EIF4G3: variants seen among roughly 807,000 people sequenced by gnomAD.
EIF4G3 encodes eukaryotic translation initiation factor 4 gamma 3, also known as eIF-4-gamma 3.
A neutral mutation model predicts 186.4 loss-of-function variants in EIF4G3; 34 were observed. The observed-to-expected ratio is 0.18, with a 90% CI of 0.14 to 0.24. The LOEUF is 0.24. Among genes scored for constraint, EIF4G3 ranks in the 10% least tolerant of loss-of-function variants. The pLI, the probability that EIF4G3 is intolerant of heterozygous loss-of-function variation, is 1.00. For missense variants in EIF4G3, 1,536 were observed against 1,948.5 expected (o/e 0.79, Z 3.99); for synonymous variants, 673 against 679.5 (o/e 0.99, Z 0.15).
chr1:21,017,703 A>G (rs1369765855), intron 4 of EIF4G3, among the ~76,000 whole-genome samples: 2 of 150,050 alleles, frequency 1.3e-5, no homozygotes, highest in Non-Finnish European at 3.0e-5. Context: ...TAAATTTGTG[A>G]GAGTTGGCAT....
chr1:21,113,754 A>C (rs2096768788), intron 2 of EIF4G3, among the ~76,000 whole-genome samples: 1 of 152,082 alleles, frequency 6.6e-6, no homozygotes, highest in Non-Finnish European at 1.5e-5. Flanking sequence ...GTGGCTCATG[A>C]CTTGTAATCC....
rs140582469 is a variant in EIF4G3, at chr1:21,165,352, C to T, written c.-272+10823G>A. Among the ~76,000 whole-genome samples, 257 of 152,236 alleles carry T rather than the reference C, an allele frequency of 1.7e-3. 1 individual carries two copies. The highest frequency in any genetic ancestry group is 5.8e-3 in the African/African-American group (239 of 41,534). On this transcript the variant is annotated intron_variant, in intron 2 of 36. Coordinates refer to ENST00000602326, the MANE Select transcript of EIF4G3 (RefSeq NM_001391906.1). ...CAAGGTATATACTCAAGAGAAATTA[C>T]AACATAACATCTATATAAAAACATC...
At chr1:20,995,525 C>A (rs2082102999) in intron 7 of EIF4G3, among the ~76,000 whole-genome samples, 1 of 152,092 alleles carries the variant, frequency 6.6e-6, no homozygotes, top group Non-Finnish European at 1.5e-5. Flanking sequence ...GTGCCCACCA[C>A]CACGCCCGGC....
At chr1:20,958,380 C>T (rs540326462) in intron 12 of EIF4G3, among the ~76,000 whole-genome samples, 1 of 151,802 alleles carries the variant, frequency 6.6e-6, no homozygotes, top group Admixed American at 6.6e-5. Flanking sequence ...ACCAAGTAGG[C>T]AAAAAAGGGA....
intron 20 of EIF4G3, among the ~76,000 whole-genome samples, chr1:20,873,225 T>G (rs2079720445): frequency 6.6e-6 from 1 of 152,226 alleles, no homozygotes; most frequent in Non-Finnish European, 1.5e-5. Flanking sequence ...GTACTTCAGA[T>G]TCACTGTCCT....
At chr1:21,016,985 G>A (rs1441636509) in intron 4 of EIF4G3, among the ~76,000 whole-genome samples, 3 of 151,692 alleles carry the variant, frequency 2.0e-5, no homozygotes, top group Admixed American at 6.6e-5. Flanking sequence ...AAAACAAAAC[G>A]AAACAAAACA....
At chr1:21,168,288 C>T (rs1032975347) in intron 2 of EIF4G3, among the ~76,000 whole-genome samples, 5 of 151,984 alleles carry the variant, frequency 3.3e-5, no homozygotes, top group African/African-American at 1.2e-4. Flanking sequence ...ACCTGTAATC[C>T]CAGCTACTCA....
intron 13 of EIF4G3, among the ~76,000 whole-genome samples, chr1:20,948,611 C>T (rs979643986): frequency 4.6e-5 from 7 of 152,120 alleles, no homozygotes; most frequent in African/African-American, 7.2e-5. Context: ...AGAAGTACAT[C>T]TTTCAGAAAG....
intron 7 of EIF4G3, among the ~76,000 whole-genome samples, chr1:20,985,468 C>T (rs935476053): frequency 1.3e-5 from 2 of 150,788 alleles, no homozygotes; most frequent in Non-Finnish European, 2.9e-5. Flanking sequence ...TACACACACA[C>T]ACGTGCACCA....
intron 15 of EIF4G3, among the ~76,000 whole-genome samples, chr1:20,902,396 T>C (rs1471288018): frequency 6.6e-6 from 1 of 152,136 alleles, no homozygotes; most frequent in Middle Eastern, 3.2e-3. Flanking sequence ...TCTTTAATAA[T>C]GCAACAACCT....
chr1:21,115,779 C>T (rs925134549), intron 2 of EIF4G3, among the ~76,000 whole-genome samples: 5 of 152,130 alleles, frequency 3.3e-5, no homozygotes, highest in African/African-American at 1.2e-4. Context: ...TGCAATGGCA[C>T]GATCACAGCT....
chr1:20,911,743 A>C (rs934016164), intron 14 of EIF4G3, among the ~76,000 whole-genome samples: 1 of 151,884 alleles, frequency 6.6e-6, no homozygotes, highest in Non-Finnish European at 1.5e-5. Flanking sequence ...GTAGTCATCC[A>C]AGTAAGTTGT....
chr1:20,970,987 C>A (rs2075776122), intron 11 of EIF4G3, among the ~76,000 whole-genome samples: 1 of 152,098 alleles, frequency 6.6e-6, no homozygotes, highest in African/African-American at 2.4e-5. Flanking sequence ...TGAGGCAGAT[C>A]TACATGAACT....
chr1:21,052,715 C>A (rs1021873273), intron 3 of EIF4G3, among the ~76,000 whole-genome samples: 1 of 152,114 alleles, frequency 6.6e-6, no homozygotes, highest in Admixed American at 6.5e-5. Context: ...CGAGTGCCTG[C>A]GATTGCAGGC....
intron 2 of EIF4G3, among the ~76,000 whole-genome samples, chr1:21,135,611 A>G (rs2097224551): frequency 6.6e-6 from 1 of 152,272 alleles, no homozygotes; most frequent in Non-Finnish European, 1.5e-5. Context: ...GCTAACCTAT[A>G]AAGATGCAAA....
intron 7 of EIF4G3, among the ~76,000 whole-genome samples, chr1:20,984,308 G>T (rs978083579): frequency 6.6e-6 from 1 of 151,288 alleles, no homozygotes; most frequent in East Asian, 2.0e-4. Flanking sequence ...TGGGACTATG[G>T]GTGCCCACCA....
intron 21 of EIF4G3, 117 bp downstream of exon 21, chr1:20,864,999 A>G (rs1571882855): frequency 8.3e-7 from 1 of 1,205,224 alleles, no homozygotes; most frequent in East Asian, 2.3e-5. Context: ...TACATGGAAA[A>G]AAAAAGGCCA....
chr1:20,919,772 A>G (rs1490205027), intron 14 of EIF4G3, among the ~76,000 whole-genome samples: 1 of 152,202 alleles, frequency 6.6e-6, no homozygotes, highest in Non-Finnish European at 1.5e-5. Flanking sequence ...GAGAATCACG[A>G]AGCAATACTA....
At chr1:21,101,750 G>A (rs1007364415) in intron 2 of EIF4G3, among the ~76,000 whole-genome samples, 3 of 151,600 alleles carry the variant, frequency 2.0e-5, no homozygotes, top group African/African-American at 7.3e-5. Context: ...TCACCTTTAT[G>A]TTATTATTAT....
Sources: allele counts gnomAD v4.1 joint callset (sites outside exome capture counted in the v4.1 genomes callset), GRCh38; gene constraint gnomAD v4.1.1; transcripts MANE v1.5; gene names NCBI Gene and HGNC (gene_info 2026-07-23, HGNC 2026-07-21).